CTNNA3: variants seen among roughly 807,000 people sequenced by gnomAD.
CTNNA3 encodes the protein catenin alpha-3.
A neutral mutation model predicts 95.7 loss-of-function variants in CTNNA3; 76 were observed. The observed-to-expected ratio is 0.79, with a 90% CI of 0.66 to 0.96. The LOEUF (loss-of-function observed/expected upper bound fraction) is 0.96. Among genes scored for constraint, CTNNA3 ranks in the 40% least tolerant of loss-of-function variants. The probability of loss-of-function intolerance (pLI) is 0.00; values close to 1 mark genes in which losing one functional copy is unlikely to be tolerated. For synonymous variants in CTNNA3, 431 were observed against 374.4 expected (o/e 1.15, Z -1.74); for missense variants, 1,191 against 1,089.8 (o/e 1.09, Z -1.31).
chr10:67,607,704 G>C (rs1843326802), intron 2 of CTNNA3, among the ~76,000 whole-genome samples: 1 of 152,208 alleles, frequency 6.6e-6, no homozygotes, highest in African/African-American at 2.4e-5. Context: ...CAAAAGTCAA[G>C]TCATGGCACC....
At chr10:66,032,959 CAAAT>C (rs2079478170) in intron 15 of CTNNA3, among the ~76,000 whole-genome samples, 1 of 151,936 alleles carries the variant, frequency 6.6e-6, no homozygotes, top group African/African-American at 2.4e-5. Flanking sequence ...AGAAGCAAAA[CAAAT>C]AGCCACATTC....
Position 66,666,114 on chromosome 10 carries a change from C to A in CTNNA3, c.1282-44330G>T, listed in dbSNP as rs572613617. 2.6e-5 allele frequency among the ~76,000 whole-genome samples: 4 copies of A among 152,268 alleles called. No homozygotes were observed. The East Asian group carries it at 7.7e-4, about 29-fold the overall frequency. ...ATGTTGGTAACCAGTTGGGGCCAAA[C>A]AGGGAATTCTGGACAGAGCAGACAG... is the stretch of plus-strand genomic sequence containing the variant. On this transcript the variant is annotated intron_variant, in intron 9 of 17. Transcript: ENST00000433211.
intron 9 of CTNNA3, among the ~76,000 whole-genome samples, chr10:66,678,830 AGTGT>A (rs141703333): frequency 6.6e-6 from 1 of 151,262 alleles, no homozygotes; most frequent in African/African-American, 2.4e-5. Context: ...TGTGTATGAG[AGTGT>A]GTGTGTGTGT....
intron 9 of CTNNA3, among the ~76,000 whole-genome samples, chr10:66,638,806 G>A (rs1009547418): frequency 6.6e-6 from 1 of 151,504 alleles, no homozygotes; most frequent in South Asian, 2.1e-4. Context: ...CCGCCCATTC[G>A]TTATTCTTGT....
Position 67,125,881 on chromosome 10 carries a change from T to C in CTNNA3, c.1047+54436A>G, listed in dbSNP as rs372062716. ...TTGAAAAAAAGTCAAGTATTTCTGATGCTCAACTAGAAAAAACTGGCTATT... is the reference window on the plus strand; with the variant it reads ...TTGAAAAAAAGTCAAGTATTTCTGACGCTCAACTAGAAAAAACTGGCTATT... On this transcript the variant is annotated intron_variant, in intron 7 of 17. Coordinates refer to ENST00000433211, the MANE Select transcript of CTNNA3 (RefSeq NM_013266.4). 3.9e-5 allele frequency among the ~76,000 whole-genome samples: 6 copies of C among 152,332 alleles called. No homozygotes were observed. The East Asian group carries it at 9.7e-4, about 25-fold the overall frequency.
chr10:66,961,176 C>A (rs1287091578), intron 7 of CTNNA3, among the ~76,000 whole-genome samples: 1 of 152,128 alleles, frequency 6.6e-6, no homozygotes, highest in East Asian at 1.9e-4. Context: ...ATCTTTAAAG[C>A]TAGCTATAAT....
intron 9 of CTNNA3, among the ~76,000 whole-genome samples, chr10:66,703,483 T>C (rs1183692533): frequency 3.9e-5 from 6 of 152,174 alleles, no homozygotes. Context: ...GCAGAAATGT[T>C]GTCAAGGAAT....
chr10:66,949,036 C>T (rs1012962194), intron 7 of CTNNA3, among the ~76,000 whole-genome samples: 4 of 152,076 alleles, frequency 2.6e-5, no homozygotes, highest in African/African-American at 9.7e-5. Context: ...AGCATGTAAT[C>T]TTGCAAACAA....
chr10:66,329,322 T>G (rs1048492803), intron 12 of CTNNA3, among the ~76,000 whole-genome samples: 1 of 151,928 alleles, frequency 6.6e-6, no homozygotes, highest in Non-Finnish European at 1.5e-5. Flanking sequence ...ATGATACCAA[T>G]CACTTTGGCA....
intron 7 of CTNNA3, among the ~76,000 whole-genome samples, chr10:66,957,477 C>T (rs1848885035): frequency 7.6e-6 from 1 of 131,118 alleles, no homozygotes; most frequent in African/African-American, 2.8e-5. Context: ...TATGTTTGAT[C>T]CTGAAGGAAG....
At chr10:67,434,146 A>AG (rs1846218096) in intron 5 of CTNNA3, among the ~76,000 whole-genome samples, 1 of 151,994 alleles carries the variant, frequency 6.6e-6, no homozygotes, top group African/African-American at 2.4e-5. Context: ...TATTCCTAAA[A>AG]CCTAAAAGAA....
intron 7 of CTNNA3, among the ~76,000 whole-genome samples, chr10:66,790,305 C>A (rs1464188669): frequency 6.6e-6 from 1 of 151,970 alleles, no homozygotes; most frequent in African/African-American, 2.4e-5. Context: ...CAAAAATTAC[C>A]AGGCGTGGTG....
chr10:66,947,955 G>T (rs981465708), intron 7 of CTNNA3, among the ~76,000 whole-genome samples: 4 of 152,158 alleles, frequency 2.6e-5, no homozygotes, highest in African/African-American at 9.7e-5. Flanking sequence ...AGGCTATATG[G>T]TATAGGCTAT....
chr10:67,401,157 T>C (rs367859020), intron 5 of CTNNA3, among the ~76,000 whole-genome samples: 21 of 152,282 alleles, frequency 1.4e-4, no homozygotes, highest in African/African-American at 5.1e-4. Context: ...GAGCATCAGC[T>C]TGGAAGCAAA....
At chr10:66,155,563 C>T (rs2084449852) in intron 13 of CTNNA3, among the ~76,000 whole-genome samples, 2 of 151,832 alleles carry the variant, frequency 1.3e-5, no homozygotes, top group Non-Finnish European at 2.9e-5. Context: ...TCCTGATCTA[C>T]AGCAACAACA....
At chr10:67,453,453 G>A (rs1279860203) in intron 5 of CTNNA3, among the ~76,000 whole-genome samples, 1 of 152,136 alleles carries the variant, frequency 6.6e-6, no homozygotes, top group Non-Finnish European at 1.5e-5. Flanking sequence ...AACTTTCCAA[G>A]GTTTAACTTT....
chr10:67,220,575 A>G (rs1327879314), intron 5 of CTNNA3, among the ~76,000 whole-genome samples: 1 of 152,174 alleles, frequency 6.6e-6, no homozygotes, highest in Non-Finnish European at 1.5e-5. Context: ...TATGAAGAAA[A>G]CACAAAAGTG....
chr10:67,432,420 C>A (rs191612413), intron 5 of CTNNA3, among the ~76,000 whole-genome samples: 26 of 152,044 alleles, frequency 1.7e-4, no homozygotes, highest in Middle Eastern at 6.8e-3. Flanking sequence ...GTTTTAGAGG[C>A]CATGAATCCA....
At chr10:66,810,051 T>C (rs4411189) in intron 7 of CTNNA3, among the ~76,000 whole-genome samples, 129,875 of 152,122 alleles carry the variant, frequency 0.85, 55,979 homozygotes, top group East Asian at 1. Flanking sequence ...GTGATCCACC[T>C]GCCTCGGCCT....
Sources: gnomAD v4.1 joint callset for allele counts (sites outside exome capture counted in the v4.1 genomes callset) on GRCh38, gnomAD v4.1.1 for gene constraint, MANE v1.5 for transcripts, NCBI Gene and HGNC (gene_info 2026-07-23, HGNC 2026-07-21) for gene names.